Variants in RRBP1 observed in about 807,000 individuals in gnomAD.
The protein encoded by RRBP1 is ribosome-binding protein 1.
A neutral mutation model predicts 165.2 loss-of-function variants in RRBP1; 94 were observed. That is an observed-to-expected ratio of 0.57 (90% CI 0.48 to 0.68). The LOEUF is 0.68. RRBP1 is among the 30% of genes least tolerant of loss of function. The probability of loss-of-function intolerance (pLI) is 0.00; values close to 1 mark genes in which losing one functional copy is unlikely to be tolerated. For synonymous variants in RRBP1, 680 were observed against 714.5 expected (o/e 0.95, Z 0.77); for missense variants, 1,676 against 1,763.0 (o/e 0.95, Z 0.88).
At chr20:17,640,397 G>A (rs1479870317) in intron 5 of RRBP1, among the ~76,000 whole-genome samples, 1 of 152,242 alleles carries the variant, frequency 6.6e-6, no homozygotes, top group Admixed American at 6.5e-5. Context: ...CAGAATGTCT[G>A]AGCACAGGTA....
chr20:17,633,517 C>T lies in RRBP1; in HGVS notation c.2553G>A (p.Gln851=), dbSNP rs2036192721. The T allele has an allele frequency of 6.2e-7, 1 of 1,614,082 alleles. No homozygotes were observed. The highest frequency in any genetic ancestry group is 8.5e-7 in the Non-Finnish European group (1 of 1,180,042). The change falls in exon 8 of 25, where the codon CAG becomes CAA. Residue 851 remains glutamine, a synonymous_variant. Transcript: ENST00000377813. The part of the protein sequence containing the change: ...KSEAVRQDEQ[Q]RKALEAKAAA... ...CTGCCTTGGCTTCCAGAGCTTTCCG[C>T]TGCTGCTCATCTTGCCGCACAGCCT...
At chr20:17,676,224 AG>A (rs2037079424) in intron 2 of RRBP1, among the ~76,000 whole-genome samples, 1 of 152,130 alleles carries the variant, frequency 6.6e-6, no homozygotes, top group Non-Finnish European at 1.5e-5. Context: ...AAAAATCAAA[AG>A]GTAAGAGCTG....
intron 8 of RRBP1, among the ~76,000 whole-genome samples, chr20:17,632,928 G>A (rs1468396349): frequency 9.2e-5 from 14 of 152,202 alleles, no homozygotes; most frequent in Admixed American, 9.2e-4. Flanking sequence ...CCCAGAAGCT[G>A]AGAAAGAAGA....
Position 17,662,317 on chromosome 20 carries a change from T to C in RRBP1, c.-21-1789A>G, listed in dbSNP as rs79316026. On this transcript the variant is annotated intron_variant, in intron 2 of 24. Coordinates refer to ENST00000377813, the MANE Select transcript of RRBP1 (RefSeq NM_001365613.2). ...CACTCTCATCACAGAAGGAACACAT[T>C]ACTTTGACCTTTCTAAGACCTTCAC... is the stretch of plus-strand genomic sequence containing the variant. Among the ~76,000 whole-genome samples, 610 of 152,178 alleles carry C rather than the reference T, an allele frequency of 4.0e-3. 9 individuals carry two copies. The highest frequency in any genetic ancestry group is 0.014 in the African/African-American group (572 of 41,514).
At chr20:17,635,780 C>T in intron 6 of RRBP1, 116 bp from the exon 7 acceptor site, 2 of 781,900 alleles carry the variant, frequency 2.6e-6, no homozygotes, top group South Asian at 1.5e-5. Context: ...AAAGCCTCCA[C>T]CTTTTCCACG....
intron 5 of RRBP1, among the ~76,000 whole-genome samples, chr20:17,640,630 C>A (rs922297832): frequency 1.3e-5 from 2 of 152,150 alleles, no homozygotes; most frequent in Non-Finnish European, 2.9e-5. Context: ...GAGGCAAGGC[C>A]AGTGGTCTCC....
rs566689443 is a variant in RRBP1, at chr20:17,628,589, G to A, written c.2750-907C>T. Among the ~76,000 whole-genome samples the A allele has an allele frequency of 5.3e-5, 8 of 152,276 alleles. No individual in the cohort carries two copies. The East Asian group carries it at 9.7e-4, about 18-fold the overall frequency. On this transcript the variant is annotated intron_variant, in intron 9 of 24. Coordinates refer to ENST00000377813, the MANE Select transcript of RRBP1 (RefSeq NM_001365613.2). ...CAAGCACTTCTGTCACACCTTCCAC[G>A]GTGCCCAAGCTCCTCAGAGGGAGGG...
chr20:17,618,778 C>T, intron 19 of RRBP1, 99 bp from the exon 20 acceptor site: 1 of 898,176 alleles, frequency 1.1e-6, no homozygotes, highest in Non-Finnish European at 1.8e-6. Flanking sequence ...CTAACACATC[C>T]ACTTAACCAA....
At chr20:17,617,936 C>T (rs756483355) in intron 20 of RRBP1, among the ~76,000 whole-genome samples, 6 of 152,252 alleles carry the variant, frequency 3.9e-5, no homozygotes, top group Non-Finnish European at 7.3e-5. Context: ...GTACCAGATC[C>T]GGTGAGGCTG....
intron 22 of RRBP1, 107 bp downstream of exon 22, chr20:17,615,819 A>G: frequency 1.0e-6 from 1 of 995,140 alleles, no homozygotes; most frequent in Non-Finnish European, 1.5e-6. Context: ...GGCCCAGCCC[A>G]GGTGCTGCTG....
Position 17,653,292 on chromosome 20 carries a change from C to T in RRBP1, c.1912+5304G>A, listed in dbSNP as rs556821443. Reference sequence around the variant, plus strand: ...CACTGAGCCCACCCAGGGCCTCTGTCCTTTACAGTCAGAGCTGCAAAGCAG... The same window carrying T: ...CACTGAGCCCACCCAGGGCCTCTGTTCTTTACAGTCAGAGCTGCAAAGCAG... On this transcript the variant is annotated intron_variant, in intron 3 of 24. Transcript: ENST00000377813. Among the ~76,000 whole-genome samples the T allele has an allele frequency of 1.8e-4, 27 of 152,358 alleles. 1 individual carries two copies. Among genetic ancestry groups the T allele is most frequent in the African/African-American group, 6.3e-4 (26 of 41,582 alleles).
intron 8 of RRBP1, among the ~76,000 whole-genome samples, 170 bp from the exon 9 acceptor site, chr20:17,630,131 A>G (rs2036120450): frequency 6.6e-6 from 1 of 152,200 alleles, no homozygotes; most frequent in Admixed American, 6.5e-5. Flanking sequence ...CACAGGCTTC[A>G]CTTCGGCCAG....
chr20:17,664,572 CTCT>C (rs1241259624), intron 2 of RRBP1, among the ~76,000 whole-genome samples: 2 of 152,228 alleles, frequency 1.3e-5, no homozygotes, highest in Non-Finnish European at 2.9e-5. Context: ...GAGAGAATGG[CTCT>C]TCTTCTGTTC....
chr20:17,627,203 G>A (rs761962114), intron 11 of RRBP1, 145 bp downstream of exon 11: 10 of 760,896 alleles, frequency 1.3e-5, no homozygotes, highest in Admixed American at 2.9e-5. Flanking sequence ...CTAAATCACC[G>A]GAGGATGGGG....
intron 5 of RRBP1, among the ~76,000 whole-genome samples, chr20:17,638,085 T>C (rs773235691): frequency 5.9e-5 from 9 of 152,028 alleles, no homozygotes; most frequent in Non-Finnish European, 1.0e-4. Flanking sequence ...TGCCCTTCTG[T>C]GTGGGCTGGG....
chr20:17,665,901 A>G (rs1002891427), intron 2 of RRBP1, among the ~76,000 whole-genome samples: 5 of 152,280 alleles, frequency 3.3e-5, no homozygotes, highest in African/African-American at 4.8e-5. Flanking sequence ...AACAGTGATA[A>G]AACTTTCCCC....
chr20:17,679,457 C>G (rs1365889246), intron 2 of RRBP1, among the ~76,000 whole-genome samples: 1 of 152,204 alleles, frequency 6.6e-6, no homozygotes, highest in Non-Finnish European at 1.5e-5. Flanking sequence ...AAGATTTTAG[C>G]AAAGAAAAAC....
chr20:17,633,023 G>A (rs1188654436), intron 8 of RRBP1, among the ~76,000 whole-genome samples: 8 of 152,172 alleles, frequency 5.3e-5, no homozygotes, highest in Non-Finnish European at 8.8e-5. Context: ...CCACAGTGGG[G>A]GCAAGTATGG....
At chr20:17,616,890 C>T (rs531233694) in intron 20 of RRBP1, 51 bp from the exon 21 acceptor site, 3 of 1,370,074 alleles carry the variant, frequency 2.2e-6, no homozygotes, top group Non-Finnish European at 3.1e-6. Flanking sequence ...CGCACACCCA[C>T]CATGCTCACT....
Sources: allele counts gnomAD v4.1 joint callset (sites outside exome capture counted in the v4.1 genomes callset), GRCh38; gene constraint gnomAD v4.1.1; transcripts MANE v1.5; gene names NCBI Gene and HGNC (gene_info 2026-07-23, HGNC 2026-07-21).